The following PDE10A variants were observed in gnomAD, a reference collection of about 807,000 sequenced individuals.
The protein encoded by PDE10A is cAMP and cAMP-inhibited cGMP 3',5'-cyclic phosphodiesterase 10A.
PDE10A carries 39 observed loss-of-function variants against 97.7 expected under a neutral mutation model. The observed-to-expected ratio is 0.40, with a 90% confidence interval of 0.31 to 0.52. The LOEUF is 0.52. Among genes scored for constraint, PDE10A ranks in the 20% least tolerant of loss-of-function variants. The pLI, the probability that PDE10A is intolerant of heterozygous loss-of-function variation, is 0.56. For synonymous variants in PDE10A, 371 were observed against 376.8 expected, an observed-to-expected ratio of 0.98 and a Z score of 0.18; for missense variants, 731 against 1,047.8, an observed-to-expected ratio of 0.70 and a Z score of 4.17.
chr6:165,371,374 A>C (rs1784238285), intron 18 of PDE10A, among the ~76,000 whole-genome samples: 1 of 152,226 alleles, frequency 6.6e-6, no homozygotes, highest in African/African-American at 2.4e-5. Context: ...AAATAGACGC[A>C]ATAAAAAATG....
chr6:165,722,050 G>A (rs116306345), intron 1 of PDE10A, among the ~76,000 whole-genome samples: 2,385 of 152,260 alleles, frequency 0.016, 62 homozygotes, highest in African/African-American at 0.055. Context: ...AAACAAATTT[G>A]TATACTTATT....
At chr6:165,965,389 G>T (rs975085077) in intron 1 of PDE10A, among the ~76,000 whole-genome samples, 4 of 152,134 alleles carry the variant, frequency 2.6e-5, no homozygotes, top group Admixed American at 2.6e-4. Context: ...TGAGTCTGGG[G>T]TATAAATCAG....
chr6:165,919,462 A>G (rs1045060788), intron 1 of PDE10A, among the ~76,000 whole-genome samples: 2 of 152,192 alleles, frequency 1.3e-5, no homozygotes, highest in African/African-American at 4.8e-5. Flanking sequence ...TATCAGCCCA[A>G]TCTTTCCACT....
At chr6:165,515,670 T>C (rs1254668567) in intron 2 of PDE10A, among the ~76,000 whole-genome samples, 1 of 151,802 alleles carries the variant, frequency 6.6e-6, no homozygotes, top group African/African-American at 2.4e-5. Context: ...ACTACAGGCA[T>C]GCGCCATCAT....
chr6:165,471,938 T>G (rs904802263), intron 3 of PDE10A, among the ~76,000 whole-genome samples: 16 of 152,218 alleles, frequency 1.1e-4, no homozygotes, highest in African/African-American at 3.9e-4. Context: ...CTTAATTTAA[T>G]GCTTTTTTCT....
chr6:165,642,111 C>T (rs899379805), intron 1 of PDE10A, among the ~76,000 whole-genome samples: 1 of 152,118 alleles, frequency 6.6e-6, no homozygotes, highest in Admixed American at 6.5e-5. Context: ...GAAAGCCACG[C>T]CTGCAGTTAA....
chr6:165,784,222 CAAAAAAAAA>C lies in PDE10A; in HGVS notation c.-615+203298_-615+203306del, dbSNP rs796915265. 3.4e-5 allele frequency among the ~76,000 whole-genome samples: 4 copies of C among 116,684 alleles called. No individual in the cohort carries two copies. In the East Asian group the frequency reaches 9.8e-4, roughly 29 times the overall value. The allele number at this position is 116,684 out of a possible 152,430, so 76.5% of individuals were successfully genotyped here. On this transcript the variant is annotated intron_variant, in intron 1 of 19. Transcript: ENST00000366882. Reference sequence around the variant, plus strand: ...GCAACAACAATGCGAGACTCCATCTCAAAAAAAAAAAAAGAAAAAAGAAATAAAAAGAAA... The same window carrying C: ...GCAACAACAATGCGAGACTCCATCTCAAAAGAAAAAAGAAATAAAAAGAAA...
At chr6:165,835,652 G>A (rs1049376510) in intron 1 of PDE10A, among the ~76,000 whole-genome samples, 1 of 152,162 alleles carries the variant, frequency 6.6e-6, no homozygotes, top group African/African-American at 2.4e-5. Flanking sequence ...CCCTGTTTCC[G>A]GGGTTGGTGT....
chr6:165,647,618 C>T (rs1562656455), intron 1 of PDE10A, among the ~76,000 whole-genome samples: 1 of 151,850 alleles, frequency 6.6e-6, no homozygotes, highest in Non-Finnish European at 1.5e-5. Flanking sequence ...AGTGGAATTG[C>T]TTGCGGACTC....
chr6:165,408,441 C>T (rs889576705), intron 13 of PDE10A, among the ~76,000 whole-genome samples: 3 of 152,076 alleles, frequency 2.0e-5, no homozygotes, highest in Non-Finnish European at 4.4e-5. Flanking sequence ...CAAGAACAAC[C>T]GCAAGCATCT....
chr6:165,498,575 G>A (rs747386300), intron 2 of PDE10A, among the ~76,000 whole-genome samples: 1 of 150,904 alleles, frequency 6.6e-6, no homozygotes, highest in Non-Finnish European at 1.5e-5. Context: ...GCAATTCTCT[G>A]AGGTATACAA....
chr6:165,709,813 C>A (rs751839990), intron 1 of PDE10A, among the ~76,000 whole-genome samples: 3 of 149,628 alleles, frequency 2.0e-5, no homozygotes, highest in Non-Finnish European at 3.0e-5. Context: ...CGCTGTCCTG[C>A]GGTCCCTTTC....
chr6:165,573,912 G>A (rs553080322), intron 1 of PDE10A, among the ~76,000 whole-genome samples: 1 of 152,208 alleles, frequency 6.6e-6, no homozygotes, highest in Non-Finnish European at 1.5e-5. Flanking sequence ...GCCCAGTAGG[G>A]ACCCCTGGCT....
At chr6:165,739,594 A>G (rs1313151645) in intron 1 of PDE10A, among the ~76,000 whole-genome samples, 2 of 151,940 alleles carry the variant, frequency 1.3e-5, no homozygotes, top group East Asian at 1.9e-4. Context: ...TTTTTTTTTC[A>G]TATGACCCCA....
At chr6:165,429,301 A>T (rs936769564) in intron 9 of PDE10A, among the ~76,000 whole-genome samples, 21 of 152,190 alleles carry the variant, frequency 1.4e-4, no homozygotes, top group African/African-American at 4.8e-4. Flanking sequence ...CTAAAATGTC[A>T]ATCTGAAAAA....
At chr6:165,564,554 G>A (rs1030398143) in intron 1 of PDE10A, among the ~76,000 whole-genome samples, 6 of 152,044 alleles carry the variant, frequency 3.9e-5, no homozygotes, top group East Asian at 1.9e-4. Context: ...CTAAGACTAC[G>A]GGGCATAGTA....
chr6:165,662,945 C>G lies in PDE10A; in HGVS notation c.-134G>C, dbSNP rs982446492. On this transcript the variant is annotated 5_prime_UTR_variant, in exon 1 of 22. Transcript: ENST00000539869. ...CGAACCGCTGCCTGGTCCTCCTCTC[C>G]GGTCTTCGGCTTCCCTCCCAGTCTA... is the stretch of plus-strand genomic sequence containing the variant. Among the ~76,000 whole-genome samples the G allele has an allele frequency of 2.0e-5, 3 of 151,270 alleles. No individual in the cohort carries two copies. The highest frequency in any genetic ancestry group is 7.3e-5 in the African/African-American group (3 of 41,304).
chr6:165,972,057 A>T (rs982680328), intron 1 of PDE10A, among the ~76,000 whole-genome samples: 1 of 152,184 alleles, frequency 6.6e-6, no homozygotes, highest in Non-Finnish European at 1.5e-5. Flanking sequence ...GGTGAAAGAA[A>T]AGGTACACGC....
chr6:165,543,304 T>C (rs1783560835), intron 2 of PDE10A, 136 bp downstream of exon 2: 1 of 540,278 alleles, frequency 1.9e-6, no homozygotes, highest in Admixed American at 3.8e-5. Context: ...TCTTTTTAAA[T>C]GGAATAACTC....
Sources: gnomAD v4.1 joint callset for allele counts (sites outside exome capture counted in the v4.1 genomes callset) on GRCh38, gnomAD v4.1.1 for gene constraint, MANE v1.5 for transcripts, NCBI Gene and HGNC (gene_info 2026-07-23, HGNC 2026-07-21) for gene names.